Variants in ZNF26 observed in about 807,000 individuals in gnomAD.
The protein encoded by ZNF26 is epididymis luminal protein 179.
ZNF26 carries 32 observed loss-of-function variants against 54.9 expected under a neutral mutation model. That is an observed-to-expected ratio of 0.58 (90% CI 0.44 to 0.78). ZNF26 has a LOEUF of 0.78. Ranked by LOEUF, ZNF26 falls within the 30% of genes least tolerant of loss-of-function variation. The pLI is 0.00. For missense variants in ZNF26, 524 were observed against 634.0 expected (o/e 0.83, Z 1.86); for synonymous variants, 221 against 209.2 (o/e 1.06, Z -0.49).
intron 1 of ZNF26, among the ~76,000 whole-genome samples, chr12:132,993,895 G>C (rs1245671283): frequency 1.3e-5 from 2 of 152,134 alleles, no homozygotes; most frequent in Admixed American, 6.6e-5. Context: ...TGAGCATTCT[G>C]TAGGCCCCTG....
intron 1 of ZNF26, among the ~76,000 whole-genome samples, chr12:132,998,567 G>C (rs1953142009): frequency 6.6e-6 from 1 of 152,176 alleles, no homozygotes; most frequent in African/African-American, 2.4e-5. Flanking sequence ...TGTAACACCT[G>C]TATGAATTCC....
Position 133,013,278 on chromosome 12 carries a change from C to T in ZNF26, c.*1797C>T, listed in dbSNP as rs1209056956. ...GTCAGACTTGGCAACTTTGACATTGCTGAAAAAGTTTCTTACAGCTGTAGG... is the reference window on the plus strand; with the variant it reads ...GTCAGACTTGGCAACTTTGACATTGTTGAAAAAGTTTCTTACAGCTGTAGG... On this transcript the variant is annotated 3_prime_UTR_variant, in exon 4 of 4. Coordinates refer to ENST00000328654, the MANE Select transcript of ZNF26 (RefSeq NM_019591.4). The T allele has an allele frequency of 3.9e-5, 6 of 152,192 alleles. No individual in the cohort carries two copies. The highest frequency in any genetic ancestry group is 1.4e-4 in the African/African-American group (6 of 41,444). The allele number at this position is 152,192 out of a possible 1,614,324, so 9.4% of individuals were successfully genotyped here. A position where few individuals can be genotyped will look rare whatever the true frequency, so the allele number is the denominator to read the frequency against.
At chr12:133,007,614 C>T (rs1271402272) in intron 3 of ZNF26, 82 bp downstream of exon 3, 2 of 972,256 alleles carry the variant, frequency 2.1e-6, no homozygotes, top group African/African-American at 3.3e-5. Flanking sequence ...ACAGTGTTGT[C>T]TTCAGAAATG....
intron 1 of ZNF26, among the ~76,000 whole-genome samples, chr12:132,997,517 C>G (rs1953113779): frequency 6.6e-6 from 1 of 152,178 alleles, no homozygotes; most frequent in African/African-American, 2.4e-5. Flanking sequence ...GATGGAGTTG[C>G]TTTGGCCTTC....
At chr12:132,999,004 TC>T (rs1235363014) in intron 1 of ZNF26, among the ~76,000 whole-genome samples, 1 of 152,222 alleles carries the variant, frequency 6.6e-6, no homozygotes, top group Non-Finnish European at 1.5e-5. Flanking sequence ...TCTTGACTCT[TC>T]TTTAATCAGA....
Position 132,986,712 on chromosome 12 carries a change from C to T in ZNF26, c.-129C>T. On this transcript the variant is annotated 5_prime_UTR_variant, in exon 1 of 4. Coordinates refer to ENST00000328654, the MANE Select transcript of ZNF26 (RefSeq NM_019591.4). ...GGAGCCGGCGTCCCTGCCAACGACT[C>T]GGCCCCGGGACGGTCAGGAGCCTGG... 2.0e-6 allele frequency: 2 copies of T among 990,944 alleles called. No individual in the cohort carries two copies. The highest frequency in any genetic ancestry group is 2.6e-5 in the East Asian group (1 of 38,034). The allele number at this position is 990,944 out of a possible 1,614,324, so 61.4% of individuals were successfully genotyped here.
Position 133,017,927 on chromosome 12 carries a change from T to G in ZNF26, c.*6446T>G, listed in dbSNP as rs1438457505. The G allele has an allele frequency of 6.6e-6, 1 of 152,170 alleles. No individual in the cohort carries two copies. 9.4% of individuals were successfully genotyped at this position (152,170 alleles called of 1,614,324 possible). ...GGGAGGCTGAGGCAGGAGAATGGCT[T>G]GAACCCAGGAGGCAGAGGTTGCAGT... On this transcript the variant is annotated 3_prime_UTR_variant, in exon 4 of 4. Transcript: ENST00000328654.
chr12:132,992,147 CA>C (rs60317056), intron 1 of ZNF26, among the ~76,000 whole-genome samples: 134 of 142,950 alleles, frequency 9.4e-4, no homozygotes, highest in Admixed American at 7.7e-4. Context: ...GACCCTATCT[CA>C]AAAAAAAAAA....
chr12:132,995,648 GTTTACTGTTGTGGT>G (rs1302227883), intron 1 of ZNF26, among the ~76,000 whole-genome samples: 1 of 152,002 alleles, frequency 6.6e-6, no homozygotes, highest in Non-Finnish European at 1.5e-5. Flanking sequence ...AGAGACTGAA[GTTTACTGTTGTGGT>G]TTTTTTTGAG....
At chr12:133,007,289 G>T (rs1953352278) in intron 2 of ZNF26, 121 bp downstream of exon 2, 1 of 1,380,670 alleles carries the variant, frequency 7.2e-7, no homozygotes, top group Non-Finnish European at 1.0e-6. Context: ...AACTTTAGGG[G>T]TCAAATTTCC....
rs1180115189 is a variant in ZNF26, at chr12:133,001,739, G to A, written c.34-5303G>A. On this transcript the variant is annotated intron_variant, in intron 1 of 3. Transcript: ENST00000328654. This position sits in a 1 kb window ranked among gnomAD's most constrained non-coding sequence, Gnocchi z 4.7. Reference sequence around the variant, plus strand: ...AACAGTGCCCTGCCTGAGGTGAGCCGCAGGGAGGCGGGGCCCTGTTTGAGG... The same window carrying A: ...AACAGTGCCCTGCCTGAGGTGAGCCACAGGGAGGCGGGGCCCTGTTTGAGG... 1.2e-5 allele frequency: 15 copies of A among 1,286,280 alleles called. No homozygotes were observed. Among genetic ancestry groups the A allele is most frequent in the Middle Eastern group, 2.2e-4 (1 of 4,570 alleles). 79.7% of individuals were successfully genotyped at this position (1,286,280 alleles called of 1,614,324 possible).
chr12:133,010,263 T>C lies in ZNF26; in HGVS notation c.384T>C (p.Tyr128=). The change falls in exon 4 of 4, where the codon TAT becomes TAC. Residue 128 remains tyrosine (Y), a synonymous_variant. Coordinates refer to ENST00000328654, the MANE Select transcript of ZNF26 (RefSeq NM_019591.4). ...ATGATTCTTCAAGACAGAGACTCTA[T>C]AACACACGTGGAAAAAGTTTGACAC... The part of the protein sequence containing the change: ...KTHDSSRQRL[Y]NTRGKSLTQN... 21 of 1,614,056 alleles carry C rather than the reference T, an allele frequency of 1.3e-5. No individual in the cohort carries two copies. The highest frequency in any genetic ancestry group is 1.8e-5 in the Non-Finnish European group (21 of 1,180,004).
chr12:133,011,416 T>C lies in ZNF26; in HGVS notation c.1537T>C (p.Ser513Pro), dbSNP rs1196010447. Reference sequence around the variant, plus strand: ...CACCGGAGAGAAACCATGGAAATGCTCTGAATGTGGGAAATCCTTCTGTTG... The same window carrying C: ...CACCGGAGAGAAACCATGGAAATGCCCTGAATGTGGGAAATCCTTCTGTTG... ...VHTGEKPWKC[S>P]ECGKSFCWNS... Residue 513 changes from serine (S) to proline (P), a missense_variant, in exon 4 of 4, where the codon TCT (serine) becomes CCT (proline). Physicochemically the swap from Ser to Pro is moderately conservative, Grantham distance 74. Transcript: ENST00000328654. 3.1e-6 allele frequency: 5 copies of C among 1,598,116 alleles called. No individual in the cohort carries two copies. The highest frequency in any genetic ancestry group is 4.3e-6 in the Non-Finnish European group (5 of 1,173,334).
At chr12:133,009,528 G>A (rs917714695) in intron 3 of ZNF26, among the ~76,000 whole-genome samples, 1 of 151,958 alleles carries the variant, frequency 6.6e-6, no homozygotes, top group Admixed American at 6.6e-5. Flanking sequence ...GGAGGTCGAG[G>A]CTGCAGTAAG....
intron 3 of ZNF26, among the ~76,000 whole-genome samples, chr12:133,008,620 CA>C (rs1412784039): frequency 1.3e-5 from 2 of 151,618 alleles, no homozygotes; most frequent in Non-Finnish European, 2.9e-5. Context: ...ACTAAAAATA[CA>C]AAAAATTAGC....
intron 1 of ZNF26, among the ~76,000 whole-genome samples, chr12:132,990,368 A>G (rs1952922175): frequency 6.6e-6 from 1 of 152,218 alleles, no homozygotes; most frequent in Non-Finnish European, 1.5e-5. Context: ...TGATTCAAGT[A>G]TTGAACCAAC....
In ZNF26 at chr12:133,022,719, T is replaced by C. The variant is rs1953659864; in HGVS notation, c.*11238T>C. ...AGACTATTATCCAGTTGATAAAATA[T>C]GCAACTATGAAATAAACTGAATAAA... is the stretch of plus-strand genomic sequence containing the variant. On this transcript the variant is annotated 3_prime_UTR_variant, in exon 4 of 4. Transcript: ENST00000328654. The C allele has an allele frequency of 6.6e-6, 1 of 152,188 alleles. No individual in the cohort carries two copies. The highest frequency in any genetic ancestry group is 2.1e-4 in the South Asian group (1 of 4,834). 9.4% of individuals were successfully genotyped at this position (152,188 alleles called of 1,614,324 possible).
chr12:132,995,911 C>G (rs994494205), intron 1 of ZNF26, among the ~76,000 whole-genome samples: 1 of 152,194 alleles, frequency 6.6e-6, no homozygotes, highest in Non-Finnish European at 1.5e-5. Flanking sequence ...CTTGGCCTCC[C>G]AAAGTGCTGG....
At position 133,025,127 on chromosome 12, in the gene ZNF26, C is replaced by G. The variant is rs1334487587; in HGVS notation, c.*13646C>G. 6.6e-6 allele frequency: 1 copy of G among 152,110 alleles called. No homozygotes were observed. The highest frequency in any genetic ancestry group is 1.5e-5 in the Non-Finnish European group (1 of 68,026). The allele number at this position is 152,110 out of a possible 1,614,324, so 9.4% of individuals were successfully genotyped here. ...GAAAGCAGAACCAAACCCTAATCAC[C>G]GAACTGGTAATGGGTACCCAGTAGG... On this transcript the variant is annotated 3_prime_UTR_variant, in exon 4 of 4. Coordinates refer to ENST00000328654, the MANE Select transcript of ZNF26 (RefSeq NM_019591.4).
Sources: gnomAD v4.1 joint callset for allele counts (sites outside exome capture counted in the v4.1 genomes callset) on GRCh38, gnomAD v4.1.1 for gene constraint, Gnocchi (gnomAD v3.1) non-coding constraint, MANE v1.5 for transcripts, NCBI Gene and HGNC (gene_info 2026-07-23, HGNC 2026-07-21) for gene names.